CDH13: variants seen among roughly 807,000 people sequenced by gnomAD.
CDH13 encodes cadherin-13.
Under a neutral mutation model 63.8 loss-of-function variants are expected in CDH13, and 24 were observed. The ratio of observed to expected loss-of-function variants is 0.38; its 90% CI spans 0.27 to 0.53. The LOEUF (loss-of-function observed/expected upper bound fraction) is 0.53. Among genes scored for constraint, CDH13 ranks in the 20% least tolerant of loss-of-function variants. The pLI is 0.85. For missense variants in CDH13, 1,049 were observed against 903.1 expected, an observed-to-expected ratio of 1.16 and a Z score of -2.07; for synonymous variants, 503 against 355.3, an observed-to-expected ratio of 1.42 and a Z score of -4.67.
intron 2 of CDH13, among the ~76,000 whole-genome samples, chr16:83,007,760 G>T (rs1913688176): frequency 1.3e-5 from 2 of 151,728 alleles, no homozygotes; most frequent in South Asian, 4.2e-4. Context: ...GGAGGCGGGG[G>T]TGGCAGTGAG....
intron 4 of CDH13, among the ~76,000 whole-genome samples, chr16:83,207,493 A>G (rs1439073721): frequency 2.0e-5 from 3 of 152,236 alleles, no homozygotes; most frequent in Admixed American, 1.3e-4. Context: ...ATGTACACAT[A>G]TAGGTACACA....
rs1006635253 is a variant in CDH13 at position 83,049,269 on chromosome 16, T to A, written c.366+17051T>A. ...AGCTCCTGGCTTTATGTATCACCTA[T>A]TTTTATATATAATATAAATGAAATC... On this transcript the variant is annotated intron_variant, in intron 3 of 13. Coordinates refer to ENST00000567109, the MANE Select transcript of CDH13 (RefSeq NM_001257.5). 2.0e-5 allele frequency among the ~76,000 whole-genome samples: 3 copies of A among 151,946 alleles called. No homozygotes were observed. In the East Asian group the frequency reaches 5.8e-4, roughly 29 times the overall value.
At chr16:82,896,581 C>T (rs988376033) in intron 2 of CDH13, among the ~76,000 whole-genome samples, 1 of 151,636 alleles carries the variant, frequency 6.6e-6, no homozygotes, top group Admixed American at 6.6e-5. Context: ...CAGGTGTGAG[C>T]CAAGGTGCCC....
chr16:83,634,891 C>G (rs888405680), intron 8 of CDH13, among the ~76,000 whole-genome samples: 5 of 152,128 alleles, frequency 3.3e-5, no homozygotes, highest in Admixed American at 6.5e-5. Flanking sequence ...TTAGAGCCAC[C>G]CTGAATATTT....
intron 7 of CDH13, among the ~76,000 whole-genome samples, chr16:83,582,899 C>T (rs756854625): frequency 1.3e-5 from 2 of 152,200 alleles, no homozygotes; most frequent in African/African-American, 2.4e-5. Flanking sequence ...GTGGAGTTTG[C>T]ACTTAACCAT....
rs142372099 is a variant in CDH13, at chr16:83,074,586, A to G, written c.366+42368A>G. Among the ~76,000 whole-genome samples, 861 of 152,342 alleles carry G rather than the reference A, an allele frequency of 5.7e-3. 6 individuals carry two copies. The highest frequency in any genetic ancestry group is 9.2e-3 in the Admixed American group (141 of 15,296). ...TTAAGAAATATCCATACTGTTTTCC[A>G]TAATGGCTATACTAATTTACTTTTA... On this transcript the variant is annotated intron_variant, in intron 3 of 13. Transcript: ENST00000567109.
At chr16:82,701,609 CT>C (rs369569524) in intron 1 of CDH13, among the ~76,000 whole-genome samples, 2 of 151,142 alleles carry the variant, frequency 1.3e-5, no homozygotes, top group South Asian at 4.2e-4. Flanking sequence ...GCAGTCCTTC[CT>C]TTTTTTTTGG....
At chr16:83,438,122 G>A (rs897274741) in intron 6 of CDH13, among the ~76,000 whole-genome samples, 1 of 152,280 alleles carries the variant, frequency 6.6e-6, no homozygotes. Flanking sequence ...GACTTAAGAA[G>A]CAGTGTGCAT....
intron 2 of CDH13, among the ~76,000 whole-genome samples, chr16:82,885,519 TCATC>T (rs560468596): frequency 5.5e-5 from 8 of 145,066 alleles, no homozygotes; most frequent in Non-Finnish European, 6.1e-5. Context: ...ATCTATCCAT[TCATC>T]CATCCATCCA....
intron 8 of CDH13, among the ~76,000 whole-genome samples, chr16:83,623,300 C>T (rs952339865): frequency 2.6e-5 from 4 of 152,212 alleles, no homozygotes; most frequent in Admixed American, 6.5e-5. Flanking sequence ...AATCACTCCC[C>T]AGTCACGATT....
At chr16:83,015,455 T>C (rs958328061) in intron 2 of CDH13, among the ~76,000 whole-genome samples, 9 of 151,682 alleles carry the variant, frequency 5.9e-5, no homozygotes, top group African/African-American at 1.9e-4. Flanking sequence ...CCTGATATCT[T>C]CCCAGCATAT....
intron 10 of CDH13, among the ~76,000 whole-genome samples, chr16:83,740,676 C>G (rs907967665): frequency 2.6e-5 from 4 of 152,146 alleles, no homozygotes; most frequent in Non-Finnish European, 5.9e-5. Flanking sequence ...TCTGGGATGC[C>G]TGGGAAGGGG....
At chr16:82,876,894 A>G (rs1194773989) in intron 2 of CDH13, among the ~76,000 whole-genome samples, 2 of 152,176 alleles carry the variant, frequency 1.3e-5, no homozygotes, top group African/African-American at 4.8e-5. Flanking sequence ...CTGAGCTCTG[A>G]CCATAGAAAA....
intron 4 of CDH13, among the ~76,000 whole-genome samples, chr16:83,131,506 C>A (rs1000560004): frequency 1.3e-5 from 2 of 152,028 alleles, no homozygotes; most frequent in African/African-American, 4.8e-5. Flanking sequence ...AAAATTTGGG[C>A]CATAAATAAT....
At chr16:83,652,435 G>T (rs1362518019) in intron 8 of CDH13, among the ~76,000 whole-genome samples, 2 of 152,142 alleles carry the variant, frequency 1.3e-5, no homozygotes, top group African/African-American at 4.8e-5. Context: ...GTGCCATGCT[G>T]GGGGTGGGAT....
chr16:82,824,221 A>G (rs538908430), intron 1 of CDH13: 1 of 152,190 alleles, frequency 6.6e-6, no homozygotes. Context: ...TTAAATACAT[A>G]AGTTCATAAT....
chr16:83,421,039 C>T (rs1338637728), intron 6 of CDH13, among the ~76,000 whole-genome samples: 1 of 152,214 alleles, frequency 6.6e-6, no homozygotes, highest in East Asian at 1.9e-4. Context: ...GGGTCTTTCT[C>T]TCCCTGTCCA....
intron 2 of CDH13, among the ~76,000 whole-genome samples, chr16:82,973,469 A>G (rs948857314): frequency 2.0e-5 from 3 of 152,244 alleles, no homozygotes; most frequent in Non-Finnish European, 4.4e-5. Flanking sequence ...AACAAAACAC[A>G]TATTAGGCAC....
intron 5 of CDH13, among the ~76,000 whole-genome samples, chr16:83,268,255 C>T (rs561293635): frequency 6.6e-6 from 1 of 152,246 alleles, no homozygotes; most frequent in African/African-American, 2.4e-5. Context: ...ACAACCTTCA[C>T]AATATGTAGG....
Sources: gnomAD v4.1 joint callset for allele counts (sites outside exome capture counted in the v4.1 genomes callset) on GRCh38, gnomAD v4.1.1 for gene constraint, MANE v1.5 for transcripts, NCBI Gene and HGNC (gene_info 2026-07-23, HGNC 2026-07-21) for gene names.